SERPINI2: variants seen among roughly 807,000 people sequenced by gnomAD.
SERPINI2 encodes serpin family I member 2, also known as serpin I2.
In SERPINI2, 48 loss-of-function variants were observed where a neutral mutation model predicts 47.3. The ratio of observed to expected loss-of-function variants is 1.02; its 90% CI spans 0.81 to 1.29. The LOEUF is 1.29. SERPINI2 is among the 50% of genes most tolerant of loss of function. The pLI is 0.00. For synonymous variants in SERPINI2, 135 were observed against 149.3 expected, an observed-to-expected ratio of 0.90 and a Z score of 0.70; for missense variants, 448 against 456.9, an observed-to-expected ratio of 0.98 and a Z score of 0.18.
At chr3:167,463,576 G>A (rs989455043) in intron 5 of SERPINI2, among the ~76,000 whole-genome samples, 2 of 152,054 alleles carry the variant, frequency 1.3e-5, no homozygotes, top group South Asian at 2.1e-4. Flanking sequence ...AAGGAAGAAA[G>A]CTTTTCCAGA....
chr3:167,446,261 G>GCA (rs1553854319), intron 8 of SERPINI2, 131 bp downstream of exon 8: 3 of 567,222 alleles, frequency 5.3e-6, no homozygotes, highest in African/African-American at 1.9e-5. Context: ...ACAATTCCTG[G>GCA]TATATAAAAT....
At chr3:167,459,439 A>T (rs1047215207) in intron 5 of SERPINI2, among the ~76,000 whole-genome samples, 33 of 152,134 alleles carry the variant, frequency 2.2e-4, no homozygotes, top group African/African-American at 6.8e-4. Context: ...AAGTAATATG[A>T]TTATTTTAGC....
At chr3:167,454,935 A>C (rs187336699) in intron 5 of SERPINI2, among the ~76,000 whole-genome samples, 3 of 152,170 alleles carry the variant, frequency 2.0e-5, no homozygotes, top group African/African-American at 7.2e-5. Context: ...GAGGAGGTTA[A>C]TTTTCAGGCT....
chr3:167,469,032 T>G (rs997879091), intron 2 of SERPINI2, among the ~76,000 whole-genome samples: 6 of 152,212 alleles, frequency 3.9e-5, no homozygotes, highest in Admixed American at 1.3e-4. Context: ...AGCTGCCCTT[T>G]GATAAACTGT....
At chr3:167,455,611 A>C (rs938315435) in intron 5 of SERPINI2, among the ~76,000 whole-genome samples, 1 of 151,504 alleles carries the variant, frequency 6.6e-6, no homozygotes, top group African/African-American at 2.4e-5. Context: ...AAAAAAGAAA[A>C]GAAAAGAAAA....
At chr3:167,443,843 T>C (rs1373799612) in intron 8 of SERPINI2, among the ~76,000 whole-genome samples, 2 of 152,158 alleles carry the variant, frequency 1.3e-5, no homozygotes, top group Middle Eastern at 3.2e-3. Flanking sequence ...TACTACTAAA[T>C]TGGGCAGATT....
chr3:167,473,354 A>G (rs1249583299), intron 1 of SERPINI2, among the ~76,000 whole-genome samples: 1 of 151,644 alleles, frequency 6.6e-6, no homozygotes, highest in Admixed American at 6.6e-5. Flanking sequence ...CCAGTGAGTA[A>G]GAGAAGTTTT....
chr3:167,471,940 T>C (rs982295600), intron 1 of SERPINI2, 96 bp from the exon 2 acceptor site: 32 of 834,508 alleles, frequency 3.8e-5, no homozygotes, highest in Non-Finnish European at 5.8e-5. Flanking sequence ...CTTTCTATCT[T>C]AATAGAACTT....
At chr3:167,450,136 G>A (rs570711362) in intron 6 of SERPINI2, among the ~76,000 whole-genome samples, 23 of 152,164 alleles carry the variant, frequency 1.5e-4, no homozygotes, top group African/African-American at 3.1e-4. Context: ...GGTTTTGATC[G>A]TAGTTTAAAA....
In SERPINI2 at chr3:167,446,156, C is replaced by T. The variant is rs368608911; in HGVS notation, c.1141+236G>A. ...ATCTTCTGGAGTGGTTTTAGCTTTA[C>T]TGATGGTTATATGAAATGGCTACCG... On this transcript the variant is annotated intron_variant, in intron 8 of 8. Coordinates refer to ENST00000264677, the Ensembl canonical transcript of SERPINI2. Among the ~76,000 whole-genome samples the T allele has an allele frequency of 4.6e-5, 7 of 152,130 alleles. No individual in the cohort carries two copies. In the East Asian group the frequency reaches 9.6e-4, roughly 21 times the overall value.
At chr3:167,458,456 GTTTAACGGT>G (rs1486239854) in intron 5 of SERPINI2, among the ~76,000 whole-genome samples, 1 of 150,486 alleles carries the variant, frequency 6.6e-6, no homozygotes, top group Non-Finnish European at 1.5e-5. Context: ...TAGAGACGGG[GTTTAACGGT>G]GTGAGCCAGG....
At chr3:167,445,380 G>A (rs1420775496) in intron 8 of SERPINI2, among the ~76,000 whole-genome samples, 1 of 151,974 alleles carries the variant, frequency 6.6e-6, no homozygotes, top group East Asian at 1.9e-4. Flanking sequence ...TGAACACTTA[G>A]TATGTGCCAG....
chr3:167,470,538 G>A (rs1750276397), intron 2 of SERPINI2, among the ~76,000 whole-genome samples: 1 of 132,390 alleles, frequency 7.6e-6, no homozygotes. Context: ...TAGCTGAGGA[G>A]ATGAGCAACA....
At chr3:167,472,679 G>T (rs923519552) in intron 1 of SERPINI2, among the ~76,000 whole-genome samples, 1 of 151,720 alleles carries the variant, frequency 6.6e-6, no homozygotes, top group African/African-American at 2.4e-5. Context: ...ACTAACAAAT[G>T]TAAGAGTAGC....
intron 8 of SERPINI2, among the ~76,000 whole-genome samples, chr3:167,444,518 T>C (rs1749417327): frequency 6.6e-6 from 1 of 152,204 alleles, no homozygotes; most frequent in African/African-American, 2.4e-5. Flanking sequence ...TAGTTCACTA[T>C]GGTGATGCTA....
chr3:167,466,424 A>G (rs1238312233), intron 3 of SERPINI2, among the ~76,000 whole-genome samples: 1 of 152,240 alleles, frequency 6.6e-6, no homozygotes, highest in African/African-American at 2.4e-5. Context: ...GTCACTTCAC[A>G]TACATTATTA....
At chr3:167,452,635 G>C (rs1560231312) in intron 6 of SERPINI2, among the ~76,000 whole-genome samples, 1 of 152,160 alleles carries the variant, frequency 6.6e-6, no homozygotes, top group East Asian at 1.9e-4. Flanking sequence ...CCATTATTCA[G>C]ATGAGGAGAT....
chr3:167,473,294 A>G (rs528341885), intron 1 of SERPINI2, among the ~76,000 whole-genome samples: 3 of 151,736 alleles, frequency 2.0e-5, no homozygotes, highest in African/African-American at 7.2e-5. Context: ...TTCATTAGGG[A>G]TTAATTTAGC....
chr3:167,447,881 A>G (rs1749523774), intron 7 of SERPINI2, among the ~76,000 whole-genome samples: 2 of 152,236 alleles, frequency 1.3e-5, no homozygotes, highest in Admixed American at 6.5e-5. Context: ...GGAGATGACA[A>G]AATTGTAAGG....
Sources: allele counts gnomAD v4.1 joint callset (sites outside exome capture counted in the v4.1 genomes callset), GRCh38; gene constraint gnomAD v4.1.1; transcripts MANE v1.5; gene names NCBI Gene and HGNC (gene_info 2026-07-23, HGNC 2026-07-21).